CD36: variants seen among roughly 807,000 people sequenced by gnomAD.
CD36 encodes platelet glycoprotein 4.
A neutral mutation model predicts 55.2 loss-of-function variants in CD36; 119 were observed. That is an observed-to-expected ratio of 2.15 (90% CI 1.86 to 2.51). CD36 has a LOEUF of 2.51. CD36 is among the 30% of genes most tolerant of loss of function. CD36 has a pLI of 0.00. For synonymous variants in CD36, 186 were observed against 193.6 expected (o/e 0.96, Z 0.33); for missense variants, 819 against 555.5 (o/e 1.47, Z -4.77).
At chr7:80,662,496 A>T in intron 5 of CD36, 1 of 266,892 alleles carries the variant, frequency 3.7e-6, no homozygotes. Context: ...TAGACGTGGA[A>T]CCTGCCGTTG....
intron 4 of CD36, among the ~76,000 whole-genome samples, chr7:80,660,441 C>G (rs1796428690): frequency 6.6e-6 from 1 of 152,108 alleles, no homozygotes; most frequent in South Asian, 2.1e-4. Context: ...ATCATTCTTT[C>G]TAATATAAGA....
chr7:80,674,492 A>G, intron 14 of CD36: 1 of 263,130 alleles, frequency 3.8e-6, no homozygotes, highest in Non-Finnish European at 7.4e-6. Context: ...TGACTAGGAA[A>G]TGGTTTCATA....
intron 6 of CD36, among the ~76,000 whole-genome samples, chr7:80,663,758 A>G (rs962653828): frequency 3.9e-5 from 6 of 152,138 alleles, no homozygotes; most frequent in Admixed American, 2.6e-4. Context: ...AATGTTTTGA[A>G]TTACAAATAG....
intron 4 of CD36, among the ~76,000 whole-genome samples, chr7:80,660,399 A>G (rs1335139272): frequency 6.6e-6 from 1 of 152,160 alleles, no homozygotes; most frequent in Non-Finnish European, 1.5e-5. Flanking sequence ...TGAAAAAGGG[A>G]AAAAGCAGTG....
intron 1 of CD36, among the ~76,000 whole-genome samples, chr7:80,620,635 T>C (rs1438697152): frequency 6.6e-6 from 1 of 152,002 alleles, no homozygotes; most frequent in Non-Finnish European, 1.5e-5. Context: ...TCCCCCAGGA[T>C]GTAGGGTGGG....
intron 1 of CD36, among the ~76,000 whole-genome samples, chr7:80,622,675 C>T (rs1364046255): frequency 6.6e-6 from 1 of 152,142 alleles, no homozygotes; most frequent in Non-Finnish European, 1.5e-5. Context: ...ATGTATTCTA[C>T]ACAGAAGTAG....
rs752479593 is a variant in CD36, at chr7:80,673,315, TAGTTTA to T, written c.1200-39_1200-34del. On this transcript the variant is annotated intron_variant, in intron 12 of 14. Coordinates refer to ENST00000447544, the MANE Select transcript of CD36 (RefSeq NM_001001548.3). ...TTTAAAGTTTGTTATATATAAATAT[TAGTTTA>T]TATGTTCATAATTATTTTCAACGTA... is the stretch of plus-strand genomic sequence containing the variant. 41 of 882,180 alleles carry T rather than the reference TAGTTTA, an allele frequency of 4.6e-5. No individual in the cohort carries two copies. In the East Asian group the frequency reaches 6.5e-4, roughly 14 times the overall value. 54.6% of individuals were successfully genotyped at this position (882,180 alleles called of 1,614,324 possible).
chr7:80,664,519 G>A, intron 7 of CD36, 22 bp downstream of exon 7: 2 of 1,237,516 alleles, frequency 1.6e-6, no homozygotes, highest in Middle Eastern at 1.9e-4. Flanking sequence ...GGTAAAATGT[G>A]CATGTATGTT....
At chr7:80,674,324 G>A in intron 14 of CD36, 177 bp downstream of exon 14, 1 of 568,452 alleles carries the variant, frequency 1.8e-6, no homozygotes, top group Middle Eastern at 4.8e-4. Context: ...GATCACTAAA[G>A]TATATCTTTA....
intron 1 of CD36, among the ~76,000 whole-genome samples, chr7:80,604,146 G>A (rs1405783075): frequency 6.6e-6 from 1 of 151,780 alleles, no homozygotes; most frequent in East Asian, 1.9e-4. Flanking sequence ...GGGGAATGAG[G>A]TTGGGTTTCC....
At chr7:80,627,851 C>T (rs1793834280) in intron 1 of CD36, among the ~76,000 whole-genome samples, 1 of 151,976 alleles carries the variant, frequency 6.6e-6, no homozygotes, top group African/African-American at 2.4e-5. Context: ...GGGAAAAGCT[C>T]ATTGTGTAGA....
chr7:80,670,617 C>G (rs1371070573), intron 9 of CD36: 2 of 306,820 alleles, frequency 6.5e-6, no homozygotes, highest in Admixed American at 9.8e-5. Flanking sequence ...TGCATACACT[C>G]CAGTGAGTGG....
At chr7:80,674,342 G>T in intron 14 of CD36, 195 bp downstream of exon 14, 1 of 537,496 alleles carries the variant, frequency 1.9e-6, no homozygotes, top group Non-Finnish European at 3.3e-6. Context: ...TTAATTCTGG[G>T]AGAAATGAGA....
chr7:80,666,462 AGT>A lies in CD36; in HGVS notation c.722_723del (p.Ser241ThrfsTer6). ...TCCTAGGAATCTGTCCTATTGGGAA[AGT>A]CACTGCGACATGATTAATGGTACAG... Reference protein sequence around the residue: ...KGKRNLSYWESHCDMINGTDA... With the variant: ...KGKRNLSYWEXHCDMINGTDA... On this transcript the variant is annotated frameshift_variant, in exon 8 of 15. Transcript: ENST00000447544. LOFTEE classifies it high-confidence loss of function. 6.2e-7 allele frequency: 1 copy of A among 1,607,976 alleles called. No homozygotes were observed.
rs551107417 is a variant in CD36 at position 80,653,199 on chromosome 7, G to C, written c.121-3341G>C. ...GGGATAGGGTAAAAAAATCTAACTC[G>C]TAGATTAAAATCTGCTAAACATACT... is the stretch of plus-strand genomic sequence containing the variant. On this transcript the variant is annotated intron_variant, in intron 3 of 14. Coordinates refer to ENST00000447544, the MANE Select transcript of CD36 (RefSeq NM_001001548.3). Among the ~76,000 whole-genome samples the C allele has an allele frequency of 1.1e-3, 162 of 152,220 alleles. 1 individual carries two copies. Among genetic ancestry groups the C allele is most frequent in the African/African-American group, 3.8e-3 (159 of 41,554 alleles).
At chr7:80,624,640 G>A (rs1297935115) in intron 1 of CD36, among the ~76,000 whole-genome samples, 6 of 151,900 alleles carry the variant, frequency 3.9e-5, no homozygotes, top group Non-Finnish European at 2.9e-5. Flanking sequence ...GCCAGACATG[G>A]TCATCCCAGC....
At chr7:80,673,699 A>G (rs1797955419) in intron 13 of CD36, 1 of 557,894 alleles carries the variant, frequency 1.8e-6, no homozygotes, top group African/African-American at 1.9e-5. Flanking sequence ...ATTGATAGCT[A>G]TAAAAATAGG....
intron 1 of CD36, among the ~76,000 whole-genome samples, chr7:80,641,280 C>T (rs1324823298): frequency 6.6e-6 from 1 of 152,034 alleles, no homozygotes; most frequent in African/African-American, 2.4e-5. Context: ...ACACCCATTT[C>T]TACTACCTTG....
intron 4 of CD36, among the ~76,000 whole-genome samples, chr7:80,658,316 C>T (rs1188376025): frequency 6.6e-6 from 1 of 151,900 alleles, no homozygotes; most frequent in Admixed American, 6.6e-5. Context: ...TGTATATATA[C>T]TTATGAAAAT....
Sources: gnomAD v4.1 joint callset for allele counts (sites outside exome capture counted in the v4.1 genomes callset) on GRCh38, gnomAD v4.1.1 for gene constraint, MANE v1.5 for transcripts, NCBI Gene and HGNC (gene_info 2026-07-23, HGNC 2026-07-21) for gene names.